DPP10: variants seen among roughly 807,000 people sequenced by gnomAD.
DPP10 encodes inactive dipeptidyl peptidase 10.
In DPP10, 33 loss-of-function variants were observed where a neutral mutation model predicts 120.9. The ratio of observed to expected loss-of-function variants is 0.27; its 90% CI spans 0.21 to 0.37. DPP10 has a LOEUF of 0.37. DPP10 is among the 10% of genes least tolerant of loss of function. The pLI is 1.00. For missense variants in DPP10, 816 were observed against 942.8 expected, an observed-to-expected ratio of 0.87 and a Z score of 1.76; for synonymous variants, 337 against 326.1, an observed-to-expected ratio of 1.03 and a Z score of -0.36.
At chr2:115,409,053 TA>T (rs1384296698) in intron 3 of DPP10, among the ~76,000 whole-genome samples, 2 of 151,856 alleles carry the variant, frequency 1.3e-5, no homozygotes, top group African/African-American at 2.4e-5. Context: ...CAAAAAAAAA[TA>T]CTGATAGACT....
rs929330649 is a variant in DPP10 at position 114,835,218 on chromosome 2, A to G, written c.60+392380A>G. On this transcript the variant is annotated intron_variant, in intron 1 of 25. Transcript: ENST00000410059. Reference sequence around the variant, plus strand: ...ATCTACATACCTATGTATATATAGGACATATCTACACACCTATGTGTATAT... The same window carrying G: ...ATCTACATACCTATGTATATATAGGGCATATCTACACACCTATGTGTATAT... 2.6e-5 allele frequency: 4 copies of G among 151,540 alleles called. No homozygotes were observed. The East Asian group carries it at 7.8e-4, about 29-fold the overall frequency. The allele number at this position is 151,540 out of a possible 1,614,324, so 9.4% of individuals were successfully genotyped here.
chr2:115,635,842 G>T (rs1290981639), intron 5 of DPP10, among the ~76,000 whole-genome samples: 1 of 152,108 alleles, frequency 6.6e-6, no homozygotes, highest in Non-Finnish European at 1.5e-5. Context: ...TGATGTTTCT[G>T]TCCTAATATT....
intron 5 of DPP10, among the ~76,000 whole-genome samples, chr2:115,633,493 A>T (rs1197090086): frequency 4.6e-5 from 7 of 152,154 alleles, no homozygotes; most frequent in Admixed American, 6.5e-5. Context: ...TGACGAGTTA[A>T]TGGGTGCAGC....
chr2:115,307,548 C>T (rs1023254229), intron 1 of DPP10, among the ~76,000 whole-genome samples: 3 of 152,028 alleles, frequency 2.0e-5, no homozygotes, highest in African/African-American at 7.2e-5. Context: ...CTGTTGGTTA[C>T]TGCCCTTTTT....
Position 115,840,734 on chromosome 2 carries a change from A to G in DPP10, c.2183-16A>G, listed in dbSNP as rs1559228655. ...GCAGTGTGTTTCTTCAGATATCATA[A>G]TTTGATTTCTTGCAGCAAAAGTTCA... On this transcript the variant is annotated splice_polypyrimidine_tract_variant and intron_variant, in intron 24 of 25. Transcript: ENST00000410059. The G allele has an allele frequency of 5.0e-6, 8 of 1,610,640 alleles. No individual in the cohort carries two copies. Among genetic ancestry groups the G allele is most frequent in the Non-Finnish European group, 6.8e-6 (8 of 1,178,056 alleles).
chr2:115,286,691 C>A (rs1439902889), intron 1 of DPP10, among the ~76,000 whole-genome samples: 1 of 149,672 alleles, frequency 6.7e-6, no homozygotes, highest in South Asian at 2.1e-4. Flanking sequence ...AGATGATAGA[C>A]AAGGAAGAAA....
chr2:115,193,606 C>T (rs1013946137), intron 1 of DPP10, among the ~76,000 whole-genome samples: 1 of 152,108 alleles, frequency 6.6e-6, no homozygotes, highest in African/African-American at 2.4e-5. Context: ...TTAATAAGCC[C>T]TCATTCAGTC....
intron 1 of DPP10, among the ~76,000 whole-genome samples, chr2:115,212,418 A>G (rs553760285): frequency 1.3e-5 from 2 of 152,292 alleles, no homozygotes; most frequent in Non-Finnish European, 2.9e-5. Flanking sequence ...TTAAGTTACT[A>G]TAGTCAAAAT....
chr2:114,483,871 C>T (rs1440996981), intron 1 of DPP10, among the ~76,000 whole-genome samples: 1 of 152,116 alleles, frequency 6.6e-6, no homozygotes, highest in Non-Finnish European at 1.5e-5. Context: ...AACAGGCCTG[C>T]ATTTGTGTAT....
At chr2:115,460,771 G>A (rs949507485) in intron 3 of DPP10, among the ~76,000 whole-genome samples, 3 of 152,216 alleles carry the variant, frequency 2.0e-5, no homozygotes, top group African/African-American at 7.2e-5. Context: ...TTGAGAATGA[G>A]AAGAGGGAAG....
intron 1 of DPP10, among the ~76,000 whole-genome samples, chr2:114,961,773 G>A (rs1307808249): frequency 6.6e-6 from 1 of 152,026 alleles, no homozygotes; most frequent in East Asian, 1.9e-4. Context: ...GGCCAACATG[G>A]TGAAACCCTG....
Position 115,403,095 on chromosome 2 carries a change from T to A in DPP10, c.271+59183T>A, listed in dbSNP as rs185841574. Reference sequence around the variant, plus strand: ...AATCAAGTGAGAGTTATTCTTAGGATGCAAAGATGGTTCAAAATATGCAGA... The same window carrying A: ...AATCAAGTGAGAGTTATTCTTAGGAAGCAAAGATGGTTCAAAATATGCAGA... On this transcript the variant is annotated intron_variant, in intron 3 of 25. Coordinates refer to ENST00000410059, the MANE Select transcript of DPP10 (RefSeq NM_020868.6). 9.9e-5 allele frequency among the ~76,000 whole-genome samples: 15 copies of A among 151,264 alleles called. No homozygotes were observed. The East Asian group carries it at 2.9e-3, about 29-fold the overall frequency.
Position 115,133,115 on chromosome 2 carries a change from A to ATGTGTG in DPP10, c.61-176098_61-176093dup, listed in dbSNP as rs1242932823. Among the ~76,000 whole-genome samples, 56 of 73,984 alleles carry ATGTGTG rather than the reference A, an allele frequency of 7.6e-4. 2 individuals carry two copies. Among genetic ancestry groups the ATGTGTG allele is most frequent in the African/African-American group, 3.5e-3 (55 of 15,782 alleles). The allele number at this position is 73,984 out of a possible 152,430, so 48.5% of individuals were successfully genotyped here. ...TCCCAATCTATATATATGTATATGT[A>ATGTGTG]TGTGTGTGTGTGTGTGTGTGTGTGT... On this transcript the variant is annotated intron_variant, in intron 1 of 25. Transcript: ENST00000410059.
At chr2:115,092,813 A>G (rs1048787967) in intron 1 of DPP10, among the ~76,000 whole-genome samples, 6 of 152,134 alleles carry the variant, frequency 3.9e-5, no homozygotes, top group African/African-American at 1.4e-4. Flanking sequence ...TAAGTGATGA[A>G]GTATTATAAC....
At chr2:114,932,961 A>C (rs1046695801) in intron 1 of DPP10, among the ~76,000 whole-genome samples, 8 of 152,300 alleles carry the variant, frequency 5.3e-5, no homozygotes, top group Non-Finnish European at 1.0e-4. Context: ...TAAGTGGGAA[A>C]AGCAGTACAT....
At chr2:114,605,767 G>A (rs926645374) in intron 1 of DPP10, among the ~76,000 whole-genome samples, 1 of 152,052 alleles carries the variant, frequency 6.6e-6, no homozygotes, top group African/African-American at 2.4e-5. Flanking sequence ...AAGAACTTAA[G>A]GATGACAGAA....
At chr2:115,039,761 C>T (rs745827383) in intron 1 of DPP10, among the ~76,000 whole-genome samples, 14 of 152,136 alleles carry the variant, frequency 9.2e-5, no homozygotes, top group Non-Finnish European at 1.5e-4. Context: ...AATTGTGACG[C>T]ACTCTACCCA....
chr2:115,430,398 TA>T (rs1193462507), intron 3 of DPP10, among the ~76,000 whole-genome samples: 1 of 152,068 alleles, frequency 6.6e-6, no homozygotes, highest in Non-Finnish European at 1.5e-5. Flanking sequence ...CACAGAAACA[TA>T]AAAACAAGTT....
chr2:115,381,957 G>A (rs1316431452), intron 3 of DPP10, among the ~76,000 whole-genome samples: 1 of 152,140 alleles, frequency 6.6e-6, no homozygotes, highest in Admixed American at 6.5e-5. Flanking sequence ...TCTCTTCAAA[G>A]CTGTCAGACA....
Sources: allele counts gnomAD v4.1 joint callset (sites outside exome capture counted in the v4.1 genomes callset), GRCh38; gene constraint gnomAD v4.1.1; transcripts MANE v1.5; gene names NCBI Gene and HGNC (gene_info 2026-07-23, HGNC 2026-07-21).